TUBG2: variants seen among roughly 807,000 people sequenced by gnomAD.
TUBG2 encodes the protein tubulin gamma-2 chain.
Under a neutral mutation model 55.1 loss-of-function variants are expected in TUBG2, and 39 were observed. The ratio of observed to expected loss-of-function variants is 0.71; its 90% confidence interval spans 0.55 to 0.93. The LOEUF (loss-of-function observed/expected upper bound fraction) is 0.93. Ranked by LOEUF, TUBG2 falls within the 40% of genes least tolerant of loss-of-function variation. The pLI, the probability that TUBG2 is intolerant of heterozygous loss-of-function variation, is 0.00. For missense variants in TUBG2, 358 were observed against 599.1 expected (o/e 0.60, Z 4.20); for synonymous variants, 223 against 241.0 (o/e 0.93, Z 0.69).
rs2052366787 is a variant in TUBG2, at chr17:42,660,830, C to T, written c.399+123C>T. Reference sequence around the variant, plus strand: ...TTCAATTCAAAACCCGTTTATGGAGCATCAGATGTGGGATATTGAGGTGAA... The same window carrying T: ...TTCAATTCAAAACCCGTTTATGGAGTATCAGATGTGGGATATTGAGGTGAA... On this transcript the variant is annotated intron_variant, in intron 4 of 10. Coordinates refer to ENST00000251412, the MANE Select transcript of TUBG2 (RefSeq NM_016437.3). 1.6e-5 allele frequency: 12 copies of T among 759,986 alleles called. No homozygotes were observed. The Admixed American group carries it at 2.6e-4, about 16-fold the overall frequency. The allele number at this position is 759,986 out of a possible 1,614,324, so 47.1% of individuals were successfully genotyped here. A position where few individuals can be genotyped will look rare whatever the true frequency, so the allele number is the denominator to read the frequency against.
In TUBG2 at chr17:42,666,677, G is replaced by C. The variant is rs758426650; in HGVS notation, c.1233G>C (p.Glu411Asp). ...RDAFLEQFRKEDMFKDNFDEM... is the reference protein window; with the variant it reads ...RDAFLEQFRKDDMFKDNFDEM... ...CCTTCCTCGAGCAGTTCCGTAAGGAGGACATGTTCAAGGACAACTTTGATG... is the reference window on the plus strand; with the variant it reads ...CCTTCCTCGAGCAGTTCCGTAAGGACGACATGTTCAAGGACAACTTTGATG... The change falls in exon 11 of 11, where the codon GAG (glutamate) becomes GAC (aspartate). Residue 411 changes from glutamate (E) to aspartate (D), a missense_variant. Physicochemically the swap from Glu to Asp is conservative, Grantham distance 45. Around this residue, in one of 8 missense-constraint regions of TUBG2, gnomAD observed 54 missense variants for 50.2 expected, o/e 1.08. Coordinates refer to ENST00000251412, the MANE Select transcript of TUBG2 (RefSeq NM_016437.3). The C allele has an allele frequency of 6.2e-7, 1 of 1,614,238 alleles. No homozygotes were observed. Among genetic ancestry groups the C allele is most frequent in the East Asian group, 2.2e-5 (1 of 44,894 alleles).
chr17:42,660,516 G>T, intron 3 of TUBG2, 123 bp from the exon 4 acceptor site: 1 of 1,297,608 alleles, frequency 7.7e-7, no homozygotes, highest in Non-Finnish European at 1.1e-6. Context: ...GAGGGCTACA[G>T]CCTAGGCTCT....
At chr17:42,660,783 A>G in intron 4 of TUBG2, 76 bp downstream of exon 4, 1 of 1,223,486 alleles carries the variant, frequency 8.2e-7, no homozygotes, top group Non-Finnish European at 1.2e-6. Context: ...GGTGGCCTGG[A>G]TAGGTAATAT....
intron 8 of TUBG2, 86 bp from the exon 9 acceptor site, chr17:42,666,001 C>T (rs1055279340): frequency 3.1e-5 from 50 of 1,603,496 alleles, no homozygotes; most frequent in Non-Finnish European, 4.3e-5. Context: ...TCTCCACCCT[C>T]CCTCTGCCTT....
chr17:42,666,894 C>A lies in TUBG2; in HGVS notation c.*94C>A. The A allele has an allele frequency of 7.2e-7, 1 of 1,380,720 alleles. No individual in the cohort carries two copies. 85.5% of individuals were successfully genotyped at this position (1,380,720 alleles called of 1,614,324 possible). A position where few individuals can be genotyped will look rare whatever the true frequency, so the allele number is the denominator to read the frequency against. ...ACCCAGCTTCACCTCATGGACAACC[C>A]TTCTTGGTTCATCTCCAGCCCGTGA... On this transcript the variant is annotated 3_prime_UTR_variant, in exon 11 of 11. Coordinates refer to ENST00000251412, the MANE Select transcript of TUBG2 (RefSeq NM_016437.3).
intron 2 of TUBG2, 40 bp downstream of exon 2, chr17:42,659,986 G>A (rs775977244): frequency 1.3e-6 from 2 of 1,532,898 alleles, no homozygotes; most frequent in Non-Finnish European, 9.0e-7. Flanking sequence ...AGTGGCCCAA[G>A]GGGGCGGAAG....
chr17:42,659,781 G>T (rs188715940), intron 1 of TUBG2, 53 bp from the exon 2 acceptor site: 20 of 1,604,178 alleles, frequency 1.2e-5, no homozygotes, highest in South Asian at 8.8e-5. Flanking sequence ...CTAAAACTGG[G>T]CTCCTCAGGC....
At position 42,666,754 on chromosome 17, in the gene TUBG2, C is replaced by A; in HGVS notation, c.1310C>A (p.Ala437Glu). The change falls in exon 11 of 11, where the codon GCG (alanine) becomes GAG (glutamate). Residue 437 changes from alanine to glutamate, a missense_variant. Transcript: ENST00000251412. The part of the protein sequence containing the change: ...VVQELIDEYH[A>E]ATQPDYISWG... ...CAGGAGCTCATTGATGAGTACCATG[C>A]GGCCACCCAGCCAGACTACATTTCC... 1.9e-6 allele frequency: 3 copies of A among 1,614,078 alleles called. No homozygotes were observed. The highest frequency in any genetic ancestry group is 1.7e-6 in the Non-Finnish European group (2 of 1,179,982).
At chr17:42,662,880 G>A in intron 4 of TUBG2, 93 bp from the exon 5 acceptor site, 1 of 1,232,706 alleles carries the variant, frequency 8.1e-7, no homozygotes, top group Admixed American at 1.9e-5. Context: ...CTTACCTGAT[G>A]TGTGTGGTAA....
At chr17:42,666,264 G>T (rs523150) in intron 9 of TUBG2, 25 bp downstream of exon 9, 1 of 1,613,794 alleles carries the variant, frequency 6.2e-7, no homozygotes, top group Non-Finnish European at 8.5e-7. Flanking sequence ...TTCATCCCGC[G>T]CCCTGGACCT....
chr17:42,666,798 T>C lies in TUBG2; in HGVS notation c.1354T>C (p.Ter452ArgextTer23). 6.2e-7 allele frequency: 1 copy of C among 1,613,990 alleles called. No homozygotes were observed. Among genetic ancestry groups the C allele is most frequent in the Non-Finnish European group, 8.5e-7 (1 of 1,179,970 alleles). Reference protein sequence around the residue: ...DYISWGTQEQ* With the variant: ...DYISWGTQEQR ...CATTTCCTGGGGCACCCAGGAGCAG[T>C]GATTTCCCTCCCCACTACTCCTTCT... The change falls in exon 11 of 11, where the codon TGA (stop) becomes CGA (arginine). Residue 452 changes from the stop codon to arginine, a stop_lost. Transcript: ENST00000251412.
rs1294055860 is a variant in TUBG2 at position 42,659,367 on chromosome 17, C to T, written c.-137C>T. On this transcript the variant is annotated 5_prime_UTR_variant, in exon 1 of 11. Coordinates refer to ENST00000251412, the MANE Select transcript of TUBG2 (RefSeq NM_016437.3). ...CGGCCGAGGAGAGGCCTGCGCTGCACACGCGCAGACCGAGCATCCGCGTCA... is the reference window on the plus strand; with the variant it reads ...CGGCCGAGGAGAGGCCTGCGCTGCATACGCGCAGACCGAGCATCCGCGTCA... The T allele has an allele frequency of 4.4e-6, 4 of 904,314 alleles. No homozygotes were observed. Among genetic ancestry groups the T allele is most frequent in the Non-Finnish European group, 6.4e-6 (4 of 621,618 alleles). 56.0% of individuals were successfully genotyped at this position (904,314 alleles called of 1,614,324 possible).
chr17:42,659,765 C>G, intron 1 of TUBG2, 69 bp from the exon 2 acceptor site: 2 of 1,590,652 alleles, frequency 1.3e-6, no homozygotes, highest in East Asian at 2.2e-5. Context: ...GTGTCAGCCT[C>G]TGAGACTAAA....
intron 4 of TUBG2, among the ~76,000 whole-genome samples, chr17:42,662,693 T>C (rs1486751261): frequency 2.6e-5 from 4 of 152,158 alleles, no homozygotes; most frequent in African/African-American, 9.7e-5. Context: ...AAATTGTAAA[T>C]TGAACCATTG....
rs921114012 is a variant in TUBG2, at chr17:42,659,875, A to G, written c.91A>G (p.Ile31Val). ...FWKQLCAEHG[I>V]SPEGIVEEFA... ...GAAACAGCTGTGCGCCGAGCATGGT[A>G]TCAGCCCCGAGGGCATCGTGGAGGA... Residue 31 changes from isoleucine to valine, a missense_variant, in exon 2 of 11, where the codon ATC becomes GTC. Transcript: ENST00000251412. 5 of 1,613,870 alleles carry G rather than the reference A, an allele frequency of 3.1e-6. No individual in the cohort carries two copies. The highest frequency in any genetic ancestry group is 1.6e-4 in the Middle Eastern group (1 of 6,084).
In TUBG2 at chr17:42,665,828, G is replaced by A. The variant is rs2052521115; in HGVS notation, c.843+1G>A. 6.2e-7 allele frequency: 1 copy of A among 1,614,076 alleles called. No individual in the cohort carries two copies. Among genetic ancestry groups the A allele is most frequent in the Non-Finnish European group, 8.5e-7 (1 of 1,180,026 alleles). On this transcript the variant is annotated splice_donor_variant, in intron 8 of 10. Coordinates refer to ENST00000251412, the MANE Select transcript of TUBG2 (RefSeq NM_016437.3). LOFTEE classifies it high-confidence loss of function. ...CACCCCGCTCACTACAGACCAGTCA[G>A]TAAGAGCAGCCTTCAGTGTCCCAGG...
At position 42,665,472 on chromosome 17, in the gene TUBG2, C is replaced by A. The variant is rs374699617; in HGVS notation, c.607-4C>A. The A allele has an allele frequency of 9.3e-4, 1,494 of 1,614,150 alleles. 23 individuals are homozygous for A. In the South Asian group the frequency reaches 0.015, roughly 17 times the overall value. ...GATGCTGTGATGCTCTTCTGTCCCC[C>A]CAGGTGGTGCTGGACAACACAGCCC... On this transcript the variant is annotated splice_region_variant and splice_polypyrimidine_tract_variant and intron_variant, in intron 6 of 10. Coordinates refer to ENST00000251412, the MANE Select transcript of TUBG2 (RefSeq NM_016437.3).
intron 3 of TUBG2, 78 bp from the exon 4 acceptor site, chr17:42,660,559 CAG>C: frequency 6.3e-6 from 9 of 1,428,910 alleles, no homozygotes; most frequent in Non-Finnish European, 8.9e-6. Flanking sequence ...CCAGGGTAGA[CAG>C]AATTCTTGGT....
In TUBG2 at chr17:42,666,449, G is replaced by A. The variant is rs988554028; in HGVS notation, c.1123G>A (p.Gly375Arg). Residue 375 changes from glycine to arginine, a missense_variant, in exon 10 of 11, where the codon GGG (glycine) becomes AGG (arginine). By Grantham distance (125) the Gly-to-Arg change is moderately radical. Around this residue, in one of 8 missense-constraint regions of TUBG2, gnomAD observed 129 missense variants for 251.6 expected, o/e 0.51. Coordinates refer to ENST00000251412, the MANE Select transcript of TUBG2 (RefSeq NM_016437.3). ...CCTGCCCTCGGCCCACCGGGTCAGC[G>A]GGCTCATGATGGCCAACCACACCAG... ...PYLPSAHRVS[G>R]LMMANHTSIS... 3.7e-6 allele frequency: 6 copies of A among 1,614,138 alleles called. No homozygotes were observed. Among genetic ancestry groups the A allele is most frequent in the East Asian group, 2.2e-5 (1 of 44,880 alleles).
Sources: gnomAD v4.1 joint callset for allele counts (sites outside exome capture counted in the v4.1 genomes callset) on GRCh38, gnomAD v4.1.1 for gene constraint, gnomAD v4.1.1 regional missense constraint, MANE v1.5 for transcripts, NCBI Gene and HGNC (gene_info 2026-07-23, HGNC 2026-07-21) for gene names.